PLD5: variants seen among roughly 807,000 people sequenced by gnomAD.
PLD5 encodes inactive phospholipase D5.
In PLD5, 36 loss-of-function variants were observed where a neutral mutation model predicts 61.1. That is an observed-to-expected ratio of 0.59 (90% CI 0.45 to 0.78). PLD5 has a LOEUF of 0.78. PLD5 is among the 30% of genes least tolerant of loss of function. The pLI is 0.00. For synonymous variants in PLD5, 243 were observed against 242.8 expected (o/e 1.00, Z -0.01); for missense variants, 515 against 644.4 (o/e 0.80, Z 2.17).
At chr1:242,395,007 A>ATATATATG (rs1558528046) in intron 1 of PLD5, among the ~76,000 whole-genome samples, 1 of 98,590 alleles carries the variant, frequency 1.0e-5, no homozygotes, top group East Asian at 3.5e-4. Context: ...GTATATATGA[A>ATATATATG]TATATATGAA....
chr1:242,496,554 G>A (rs190722852), intron 1 of PLD5, among the ~76,000 whole-genome samples: 5 of 152,282 alleles, frequency 3.3e-5, no homozygotes, highest in East Asian at 1.9e-4. Flanking sequence ...TAGACTTTGC[G>A]AGATTGTTTC....
At chr1:242,290,612 G>T (rs900556324) in intron 2 of PLD5, among the ~76,000 whole-genome samples, 1 of 152,054 alleles carries the variant, frequency 6.6e-6, no homozygotes, top group Non-Finnish European at 1.5e-5. Flanking sequence ...ACGGGAAATA[G>T]AAGATAAGTC....
rs567270748 is a variant in PLD5 at position 242,324,933 on chromosome 1, T to G, written c.326+23173A>C. On this transcript the variant is annotated intron_variant, in intron 2 of 9. Transcript: ENST00000536534. The stretch of plus-strand genomic sequence containing the variant: ...AATCATCATTCCCCATTCCCTAGGC[T>G]CCTGCCTGCCTAAATATCTTTCAAC... Among the ~76,000 whole-genome samples the G allele has an allele frequency of 7.9e-5, 12 of 152,264 alleles. No homozygotes were observed. The South Asian group carries it at 2.5e-3, about 32-fold the overall frequency.
At chr1:242,291,929 G>A (rs920612796) in intron 2 of PLD5, among the ~76,000 whole-genome samples, 2 of 152,166 alleles carry the variant, frequency 1.3e-5, no homozygotes, top group Admixed American at 1.3e-4. Flanking sequence ...CCTAAAGTGA[G>A]GGAAATGCCT....
chr1:242,209,126 G>T (rs566463812), intron 5 of PLD5: 1 of 152,192 alleles, frequency 6.6e-6, no homozygotes, highest in Admixed American at 6.5e-5. Flanking sequence ...GTTGAAGACC[G>T]CTGTGCTCTT....
intron 1 of PLD5, among the ~76,000 whole-genome samples, chr1:242,422,754 T>C (rs770559911): frequency 3.3e-5 from 5 of 152,062 alleles, no homozygotes; most frequent in Non-Finnish European, 7.3e-5. Context: ...TGCCTACCTG[T>C]ACTTAGCATT....
chr1:242,396,364 C>T (rs1354094871), intron 1 of PLD5, among the ~76,000 whole-genome samples: 1 of 152,134 alleles, frequency 6.6e-6, no homozygotes, highest in African/African-American at 2.4e-5. Flanking sequence ...ATGGAAATGT[C>T]TACAAAGAAT....
intron 1 of PLD5, among the ~76,000 whole-genome samples, chr1:242,443,542 G>A (rs1666371065): frequency 6.6e-6 from 1 of 152,054 alleles, no homozygotes; most frequent in African/African-American, 2.4e-5. Context: ...CTCCTTGGAT[G>A]GCTAAATCCA....
intron 1 of PLD5, among the ~76,000 whole-genome samples, chr1:242,380,767 G>A (rs1362160534): frequency 1.3e-5 from 2 of 152,062 alleles, no homozygotes; most frequent in South Asian, 2.1e-4. Context: ...CTTCTCAAAA[G>A]AAGACATTCA....
At chr1:242,276,218 G>A (rs1040731949) in intron 3 of PLD5, among the ~76,000 whole-genome samples, 10 of 151,028 alleles carry the variant, frequency 6.6e-5, no homozygotes, top group South Asian at 2.1e-4. Flanking sequence ...CAGACCTATA[G>A]TTCTAGCTAC....
rs1359448577 is a variant in PLD5 at position 242,345,560 on chromosome 1, G to T, written c.326+2546C>A. 11 of 1,318,086 alleles carry T rather than the reference G, an allele frequency of 8.3e-6. No homozygotes were observed. In the East Asian group the frequency reaches 2.5e-4, roughly 30 times the overall value. 81.6% of individuals were successfully genotyped at this position (1,318,086 alleles called of 1,614,324 possible). On this transcript the variant is annotated intron_variant, in intron 2 of 9. Transcript: ENST00000536534. ...CCAGGCACAAAAGGCTCACTCCCCAGGAAATGATTGAGGAACTCCAGAAAC... is the reference window on the plus strand; with the variant it reads ...CCAGGCACAAAAGGCTCACTCCCCATGAAATGATTGAGGAACTCCAGAAAC...
At chr1:242,435,798 T>C (rs1200731570) in intron 1 of PLD5, among the ~76,000 whole-genome samples, 1 of 152,222 alleles carries the variant, frequency 6.6e-6, no homozygotes, top group African/African-American at 2.4e-5. Context: ...TACTTACTTT[T>C]AGTTCTTTTC....
chr1:242,171,188 C>T (rs1666724235), intron 5 of PLD5, among the ~76,000 whole-genome samples: 1 of 152,200 alleles, frequency 6.6e-6, no homozygotes, highest in African/African-American at 2.4e-5. Context: ...AACAGTAGAT[C>T]TCTCTGCAGA....
intron 1 of PLD5, among the ~76,000 whole-genome samples, chr1:242,479,986 G>C (rs1311706494): frequency 1.3e-5 from 2 of 150,996 alleles, no homozygotes; most frequent in African/African-American, 2.4e-5. Context: ...GGAAGGCACA[G>C]ATTGCAGTAA....
intron 5 of PLD5, among the ~76,000 whole-genome samples, chr1:242,187,931 C>G (rs112597084): frequency 1.1e-4 from 17 of 152,138 alleles, no homozygotes; most frequent in African/African-American, 3.6e-4. Context: ...CTGAGGAGAG[C>G]TTTGAATGTC....
chr1:242,464,915 G>T (rs913810849), intron 1 of PLD5, among the ~76,000 whole-genome samples: 7 of 152,168 alleles, frequency 4.6e-5, no homozygotes, highest in Non-Finnish European at 1.0e-4. Context: ...CACATATTGT[G>T]TGATTCCCTT....
At position 242,427,999 on chromosome 1, in the gene PLD5, C is replaced by A. The variant is rs188918687; in HGVS notation, c.190-79757G>T. Among the ~76,000 whole-genome samples the A allele has an allele frequency of 3.2e-3, 487 of 152,280 alleles. 2 individuals carry two copies. The highest frequency in any genetic ancestry group is 0.011 in the African/African-American group (466 of 41,556). On this transcript the variant is annotated intron_variant, in intron 1 of 9. Coordinates refer to ENST00000536534, the MANE Select transcript of PLD5 (RefSeq NM_001372062.1). Reference sequence around the variant, plus strand: ...ACCAGACTGAAACAGAGCTGATTCCCTTATGAGCTTAAGAGCTAAAATGGT... The same window carrying A: ...ACCAGACTGAAACAGAGCTGATTCCATTATGAGCTTAAGAGCTAAAATGGT...
chr1:242,243,457 A>T (rs928255947), intron 4 of PLD5, among the ~76,000 whole-genome samples: 1 of 152,370 alleles, frequency 6.6e-6, no homozygotes, highest in Non-Finnish European at 1.5e-5. Context: ...AGATCTGTAC[A>T]TAATTCAGGA....
rs138010380 is a variant in PLD5, at chr1:242,469,161, G to T, written c.189+54927C>A. 4.8e-3 allele frequency among the ~76,000 whole-genome samples: 735 copies of T among 152,264 alleles called. 5 individuals carry two copies. The highest frequency in any genetic ancestry group is 0.016 in the African/African-American group (680 of 41,552). ...ATATCCTAAAAATATATGCATCAGC[G>T]TATCTTGAAAGTGCATTTCTACAAG... is the stretch of plus-strand genomic sequence containing the variant. On this transcript the variant is annotated intron_variant, in intron 1 of 9. Coordinates refer to ENST00000536534, the MANE Select transcript of PLD5 (RefSeq NM_001372062.1).
Sources: gnomAD v4.1 joint callset for allele counts (sites outside exome capture counted in the v4.1 genomes callset) on GRCh38, gnomAD v4.1.1 for gene constraint, MANE v1.5 for transcripts, NCBI Gene and HGNC (gene_info 2026-07-23, HGNC 2026-07-21) for gene names.